The following SYNRG variants were observed in gnomAD, a reference collection of about 807,000 sequenced individuals.
SYNRG encodes synergin gamma.
In SYNRG, 37 loss-of-function variants were observed where a neutral mutation model predicts 130.9. That is an observed-to-expected ratio of 0.28 (90% CI 0.22 to 0.37). The LOEUF is 0.37. SYNRG is among the 10% of genes least tolerant of loss of function. The probability of loss-of-function intolerance (pLI) is 1.00; values close to 1 mark genes in which losing one functional copy is unlikely to be tolerated. For synonymous variants in SYNRG, 539 were observed against 568.1 expected (o/e 0.95, Z 0.73); for missense variants, 1,338 against 1,588.9 (o/e 0.84, Z 2.68).
intron 8 of SYNRG, among the ~76,000 whole-genome samples, chr17:37,572,364 T>G (rs1246605133): frequency 6.6e-6 from 1 of 150,894 alleles, no homozygotes; most frequent in Non-Finnish European, 1.5e-5. Flanking sequence ...AGACAAAGGT[T>G]GCAGTGAGCT....
intron 19 of SYNRG, among the ~76,000 whole-genome samples, chr17:37,533,921 CTTTTCT>C (rs2056915868): frequency 1.4e-5 from 1 of 70,522 alleles, no homozygotes; most frequent in African/African-American, 5.2e-5. Flanking sequence ...ACTTCATTTT[CTTTTCT>C]TTTTTTTTTT....
In SYNRG at chr17:37,580,621, A is replaced by G. The variant is rs148313090; in HGVS notation, c.590-3008T>C. 4.6e-3 allele frequency among the ~76,000 whole-genome samples: 691 copies of G among 150,874 alleles called. 23 individuals are homozygous for G. The East Asian group carries it at 0.074, about 16-fold the overall frequency. ...GCGATCTCGGCTCACTGCAACCTCCACCTCCTGGGTTCAAGTGATTCTTCT... is the reference window on the plus strand; with the variant it reads ...GCGATCTCGGCTCACTGCAACCTCCGCCTCCTGGGTTCAAGTGATTCTTCT... On this transcript the variant is annotated intron_variant, in intron 6 of 21. Transcript: ENST00000612223.
At chr17:37,551,690 G>T (rs577312595) in intron 14 of SYNRG, among the ~76,000 whole-genome samples, 1 of 151,994 alleles carries the variant, frequency 6.6e-6, no homozygotes, top group South Asian at 2.1e-4. Flanking sequence ...GAGTCCAAAA[G>T]GCTAGTATAC....
chr17:37,555,185 G>A (rs1366744699), intron 13 of SYNRG, among the ~76,000 whole-genome samples: 3 of 151,876 alleles, frequency 2.0e-5, no homozygotes, highest in Non-Finnish European at 4.4e-5. Flanking sequence ...GGAGTACAAT[G>A]GTGTGATCTC....
At chr17:37,526,433 A>G (rs537991575) in intron 19 of SYNRG, among the ~76,000 whole-genome samples, 2 of 152,370 alleles carry the variant, frequency 1.3e-5, no homozygotes, top group East Asian at 3.9e-4. Context: ...TTCCATAGGC[A>G]ATTATAAAGT....
At chr17:37,601,970 T>C (rs1207390150) in intron 1 of SYNRG, among the ~76,000 whole-genome samples, 3 of 152,026 alleles carry the variant, frequency 2.0e-5, no homozygotes, top group African/African-American at 7.2e-5. Context: ...GCCTAGGCTC[T>C]TTTGAATAAA....
intron 2 of SYNRG, among the ~76,000 whole-genome samples, chr17:37,597,068 T>G (rs1447620311): frequency 6.6e-6 from 1 of 152,202 alleles, no homozygotes; most frequent in East Asian, 1.9e-4. Context: ...AAAGACACTG[T>G]AGTTTCCTCC....
At chr17:37,602,298 T>C (rs138168971) in intron 1 of SYNRG, among the ~76,000 whole-genome samples, 1,647 of 151,502 alleles carry the variant, frequency 0.011, 26 homozygotes, top group African/African-American at 0.038. Context: ...GATCGCGCCA[T>C]TGCACTTCAG....
At position 37,541,712 on chromosome 17, in the gene SYNRG, C is replaced by T. The variant is rs971883535; in HGVS notation, c.3202+260G>A. 8 of 546,294 alleles carry T rather than the reference C, an allele frequency of 1.5e-5. No homozygotes were observed. In the African/African-American group the frequency reaches 1.5e-4, roughly 10 times the overall value. The allele number at this position is 546,294 out of a possible 1,614,324, so 33.8% of individuals were successfully genotyped here. A position where few individuals can be genotyped will look rare whatever the true frequency, so the allele number is the denominator to read the frequency against. On this transcript the variant is annotated intron_variant, in intron 15 of 21. Coordinates refer to ENST00000612223, the MANE Select transcript of SYNRG (RefSeq NM_007247.6). ...TATCTGGCTCTTTTAACACAGCACA[C>T]CTCTAACCAAACGAGCTAATGAGCA...
chr17:37,597,322 A>T (rs959622924), intron 2 of SYNRG, among the ~76,000 whole-genome samples: 1 of 152,216 alleles, frequency 6.6e-6, no homozygotes, highest in Non-Finnish European at 1.5e-5. Flanking sequence ...CACCCAGCAG[A>T]GCTACTCCTA....
intron 6 of SYNRG, 50 bp downstream of exon 6, chr17:37,584,598 A>G (rs762229102): frequency 5.5e-6 from 8 of 1,444,008 alleles, no homozygotes; most frequent in Non-Finnish European, 7.8e-6. Flanking sequence ...AACAGGGACT[A>G]CATAAATCAC....
intron 3 of SYNRG, among the ~76,000 whole-genome samples, chr17:37,595,847 C>A (rs540214497): frequency 6.6e-6 from 1 of 151,220 alleles, no homozygotes; most frequent in Admixed American, 6.6e-5. Context: ...CTCCACCTCT[C>A]GGGTTTAAGG....
chr17:37,592,024 A>G (rs1308986208), intron 3 of SYNRG, among the ~76,000 whole-genome samples: 1 of 152,216 alleles, frequency 6.6e-6, no homozygotes, highest in East Asian at 1.9e-4. Context: ...AGCTAAAGAC[A>G]AGAAGAAAAT....
intron 11 of SYNRG, among the ~76,000 whole-genome samples, chr17:37,566,130 A>G (rs1212177638): frequency 1.3e-5 from 2 of 152,252 alleles, no homozygotes; most frequent in African/African-American, 2.4e-5. Flanking sequence ...CTGTCTGGGA[A>G]GTGTGCCCAA....
intron 19 of SYNRG, among the ~76,000 whole-genome samples, chr17:37,535,382 G>C (rs1384340549): frequency 6.6e-6 from 1 of 152,174 alleles, no homozygotes; most frequent in Non-Finnish European, 1.5e-5. Flanking sequence ...TGGTAGCATT[G>C]CAACCAATAT....
intron 1 of SYNRG, among the ~76,000 whole-genome samples, chr17:37,601,313 C>T (rs190584863): frequency 8.5e-5 from 13 of 152,260 alleles, no homozygotes; most frequent in African/African-American, 2.9e-4. Flanking sequence ...AGGTGATCCA[C>T]CCGCCTCGGC....
chr17:37,576,587 G>T lies in SYNRG; in HGVS notation c.824-169C>A, dbSNP rs2060854900. On this transcript the variant is annotated intron_variant, in intron 7 of 21. Coordinates refer to ENST00000612223, the MANE Select transcript of SYNRG (RefSeq NM_007247.6). The stretch of plus-strand genomic sequence containing the variant: ...CCTCCGATTCAGAATAAAATATTTG[G>T]TTTTTAAGCAACTCTTGTACGTTAA... 7.4e-6 allele frequency: 4 copies of T among 540,032 alleles called. No individual in the cohort carries two copies. The Admixed American group carries it at 1.1e-4, about 14-fold the overall frequency. 33.5% of individuals were successfully genotyped at this position (540,032 alleles called of 1,614,324 possible). A position where few individuals can be genotyped will look rare whatever the true frequency, so the allele number is the denominator to read the frequency against.
At chr17:37,566,518 G>C (rs936786419) in intron 11 of SYNRG, among the ~76,000 whole-genome samples, 12 of 147,152 alleles carry the variant, frequency 8.2e-5, no homozygotes, top group African/African-American at 2.8e-4. Flanking sequence ...AGGGTCCTCT[G>C]CCTAGGAAAA....
intron 8 of SYNRG, among the ~76,000 whole-genome samples, chr17:37,574,915 C>T (rs951417463): frequency 5.9e-5 from 9 of 151,724 alleles, no homozygotes; most frequent in East Asian, 1.9e-4. Flanking sequence ...CATTGACAGA[C>T]GAATGGATAA....
Sources: gnomAD v4.1 joint callset for allele counts (sites outside exome capture counted in the v4.1 genomes callset) on GRCh38, gnomAD v4.1.1 for gene constraint, MANE v1.5 for transcripts, NCBI Gene and HGNC (gene_info 2026-07-23, HGNC 2026-07-21) for gene names.